The following ANKRD6 variants were observed in gnomAD, a reference collection of about 807,000 sequenced individuals.
The protein encoded by ANKRD6 is ankyrin repeat domain 6, also known as ankyrin repeat domain-containing protein 6.
Under a neutral mutation model 82.3 loss-of-function variants are expected in ANKRD6, and 56 were observed. The ratio of observed to expected loss-of-function variants is 0.68; its 90% confidence interval spans 0.55 to 0.85. The LOEUF is 0.85. Among genes scored for constraint, ANKRD6 ranks in the 40% least tolerant of loss-of-function variants. The pLI is 0.00. For missense variants in ANKRD6, 852 were observed against 907.6 expected, an observed-to-expected ratio of 0.94 and a Z score of 0.79; for synonymous variants, 347 against 352.1, an observed-to-expected ratio of 0.99 and a Z score of 0.16.
chr6:89,567,773 C>T (rs769909172), intron 2 of ANKRD6, among the ~76,000 whole-genome samples: 2 of 152,174 alleles, frequency 1.3e-5, no homozygotes, highest in Non-Finnish European at 2.9e-5. Context: ...CACTTTACAG[C>T]CTTCTAGAAG....
At chr6:89,567,222 G>A (rs1788721102) in intron 2 of ANKRD6, 126 bp downstream of exon 2, 2 of 1,327,292 alleles carry the variant, frequency 1.5e-6, no homozygotes, top group Non-Finnish European at 2.0e-6. Context: ...AATGATGGAG[G>A]TTTGGGGAGA....
intron 2 of ANKRD6, among the ~76,000 whole-genome samples, chr6:89,573,706 A>G (rs937346730): frequency 6.6e-6 from 1 of 152,268 alleles, no homozygotes; most frequent in Non-Finnish European, 1.5e-5. Context: ...AATTTGGTAT[A>G]GAAACCTAGG....
intron 2 of ANKRD6, among the ~76,000 whole-genome samples, chr6:89,575,514 G>T (rs1417999207): frequency 2.6e-5 from 4 of 152,048 alleles, no homozygotes; most frequent in Admixed American, 2.6e-4. Context: ...GCTTGTTAGA[G>T]CATATTCCTT....
At chr6:89,560,760 T>C (rs1227171732) in intron 1 of ANKRD6, 1 of 141,938 alleles carries the variant, frequency 7.0e-6, no homozygotes, top group Non-Finnish European at 1.5e-5. Context: ...GAGGCCGAGG[T>C]TGCAGTGAGC....
intron 9 of ANKRD6, 186 bp from the exon 10 acceptor site, chr6:89,621,736 C>T (rs1346252555): frequency 2.0e-5 from 12 of 615,302 alleles, no homozygotes; most frequent in African/African-American, 5.6e-5. Context: ...TCCGAGTCCC[C>T]GTGGTGCCCA....
At chr6:89,626,074 T>C (rs1447364660) in intron 13 of ANKRD6, among the ~76,000 whole-genome samples, 1 of 152,278 alleles carries the variant, frequency 6.6e-6, no homozygotes, top group East Asian at 1.9e-4. Context: ...ATTAAGGACA[T>C]TTTACTGTTT....
intron 1 of ANKRD6, chr6:89,509,155 C>G (rs1780231373): frequency 6.6e-6 from 1 of 152,314 alleles, no homozygotes; most frequent in Non-Finnish European, 1.5e-5. Flanking sequence ...CTGCCTCTCT[C>G]CTGGCTGCTT....
intron 1 of ANKRD6, among the ~76,000 whole-genome samples, chr6:89,525,968 G>A (rs1044622726): frequency 1.3e-5 from 2 of 152,224 alleles, no homozygotes. Flanking sequence ...AAGACAATTT[G>A]TCTGACAGCT....
At chr6:89,578,459 C>A (rs1791699557) in intron 2 of ANKRD6, among the ~76,000 whole-genome samples, 1 of 151,926 alleles carries the variant, frequency 6.6e-6, no homozygotes, top group Non-Finnish European at 1.5e-5. Context: ...CCACACCTGG[C>A]TAATTTTTGT....
intron 1 of ANKRD6, among the ~76,000 whole-genome samples, chr6:89,483,133 A>G (rs571336344): frequency 1.3e-5 from 2 of 152,262 alleles, no homozygotes; most frequent in South Asian, 2.1e-4. Flanking sequence ...GATTCTGTCC[A>G]GTGGGTCTTA....
intron 1 of ANKRD6, among the ~76,000 whole-genome samples, chr6:89,558,683 C>A (rs1196900310): frequency 6.6e-6 from 1 of 152,080 alleles, no homozygotes; most frequent in Non-Finnish European, 1.5e-5. Context: ...ACCCATGGAA[C>A]TGTACAACAC....
chr6:89,456,343 A>G (rs546675422), intron 1 of ANKRD6, among the ~76,000 whole-genome samples: 21 of 152,308 alleles, frequency 1.4e-4, no homozygotes, highest in Non-Finnish European at 2.6e-4. Flanking sequence ...ACAAAGTACT[A>G]TAGACTGGGT....
At chr6:89,613,376 A>G (rs961108767) in intron 6 of ANKRD6, among the ~76,000 whole-genome samples, 2 of 152,168 alleles carry the variant, frequency 1.3e-5, no homozygotes, top group Non-Finnish European at 2.9e-5. Flanking sequence ...TGAGGGATCT[A>G]TGCTGGGAAG....
chr6:89,605,296 C>T (rs901342816), intron 4 of ANKRD6, among the ~76,000 whole-genome samples: 2 of 152,166 alleles, frequency 1.3e-5, no homozygotes, highest in South Asian at 2.1e-4. Context: ...GCAGGAGAAT[C>T]GCTTGAACTC....
At position 89,525,293 on chromosome 6, in the gene ANKRD6, C is replaced by CAAA. The variant is rs537500108; in HGVS notation, c.-143-41526_-143-41524dup. ...TGGGCGACATAGCAAGATCCTATCT[C>CAAA]AAAAAAAAAAAAAAAAAGAGTGCCT... On this transcript the variant is annotated intron_variant, in intron 1 of 15. Transcript: ENST00000339746. Among the ~76,000 whole-genome samples the CAAA allele has an allele frequency of 1.2e-3, 156 of 130,080 alleles. 2 individuals are homozygous for CAAA. Among genetic ancestry groups the CAAA allele is most frequent in the African/African-American group, 2.6e-3 (89 of 34,508 alleles). The allele number at this position is 130,080 out of a possible 152,430, so 85.3% of individuals were successfully genotyped here. A position where few individuals can be genotyped will look rare whatever the true frequency, so the allele number is the denominator to read the frequency against.
Position 89,594,120 on chromosome 6 carries a change from A to G in ANKRD6, c.121-1796A>G, listed in dbSNP as rs1430907561. ...AACATGAAAAACAAATCTCAAAAAT[A>G]CAAGGTTAGACAAAAAATGCCAAAT... On this transcript the variant is annotated intron_variant, in intron 2 of 15. Coordinates refer to ENST00000339746, the MANE Select transcript of ANKRD6 (RefSeq NM_001242809.2). Among the ~76,000 whole-genome samples, 3 of 152,258 alleles carry G rather than the reference A, an allele frequency of 2.0e-5. No homozygotes were observed. In the East Asian group the frequency reaches 5.8e-4, roughly 29 times the overall value.
chr6:89,546,811 A>G (rs1423221655), intron 1 of ANKRD6, among the ~76,000 whole-genome samples: 2 of 152,044 alleles, frequency 1.3e-5, no homozygotes, highest in Non-Finnish European at 2.9e-5. Flanking sequence ...AAAGAAGGAA[A>G]AAATGGGGAG....
chr6:89,624,641 G>T lies in ANKRD6; in HGVS notation c.1321G>T (p.Asp441Tyr). The change falls in exon 13 of 16, where the codon GAC becomes TAC. Residue 441 changes from aspartate (D) to tyrosine (Y), a missense_variant. Transcript: ENST00000339746. ...AAAAGCAGAGCTGGGATCGGTTCAG[G>T]ACAAAATGAATACAAAGCTGGGGCA... is the stretch of plus-strand genomic sequence containing the variant. ...EIKAELGSVQ[D>Y]KMNTKLGQME... 6.3e-7 allele frequency: 1 copy of T among 1,593,484 alleles called. No homozygotes were observed. The highest frequency in any genetic ancestry group is 8.5e-7 in the Non-Finnish European group (1 of 1,169,672).
At chr6:89,595,148 G>A (rs1419576533) in intron 2 of ANKRD6, among the ~76,000 whole-genome samples, 1 of 152,274 alleles carries the variant, frequency 6.6e-6, no homozygotes, top group East Asian at 1.9e-4. Context: ...TGGATCATTT[G>A]AGGTCAGGAG....
Sources: gnomAD v4.1 joint callset for allele counts (sites outside exome capture counted in the v4.1 genomes callset) on GRCh38, gnomAD v4.1.1 for gene constraint, MANE v1.5 for transcripts, NCBI Gene and HGNC (gene_info 2026-07-23, HGNC 2026-07-21) for gene names.